The following MRPL30 variants were observed in gnomAD, a reference collection of about 807,000 sequenced individuals.
MRPL30 encodes mitochondrial ribosomal protein L30.
Under a neutral mutation model 17.2 loss-of-function variants are expected in MRPL30, and 10 were observed. That is an observed-to-expected ratio of 0.58 (90% confidence interval 0.36 to 0.99). The LOEUF (loss-of-function observed/expected upper bound fraction) is 0.99. MRPL30 is among the 50% of genes least tolerant of loss of function. The pLI is 0.01. For synonymous variants in MRPL30, 61 were observed against 62.1 expected (o/e 0.98, Z 0.08); for missense variants, 170 against 189.8 (o/e 0.90, Z 0.61).
chr2:99,191,561 C>A (rs1323838695), intron 3 of MRPL30, among the ~76,000 whole-genome samples: 1 of 152,202 alleles, frequency 6.6e-6, no homozygotes, highest in Admixed American at 6.5e-5. Context: ...CTTCACCCAA[C>A]ACAAATCCAT....
In MRPL30 at chr2:99,195,587, A is replaced by G. The variant is rs767501794; in HGVS notation, c.368A>G (p.Lys123Arg). 3 of 1,604,882 alleles carry G rather than the reference A, an allele frequency of 1.9e-6. No homozygotes were observed. The highest frequency in any genetic ancestry group is 2.2e-5 in the East Asian group (1 of 44,698). The change falls in exon 6 of 6, where the codon AAG (lysine) becomes AGG (arginine). Residue 123 changes from lysine to arginine, a missense_variant. Transcript: ENST00000338148. Reference sequence around the variant, plus strand: ...TTGTGTCACAGAATCAAGCCCTTGAAGTTGCCACAAGGACTTCCAGCAGAG... The same window carrying G: ...TTGTGTCACAGAATCAAGCCCTTGAGGTTGCCACAAGGACTTCCAGCAGAG... ...VKHLIRIKPLKLPQGLPAEEN... is the reference protein window; with the variant it reads ...VKHLIRIKPLRLPQGLPAEEN...
intron 1 of MRPL30, among the ~76,000 whole-genome samples, chr2:99,182,020 G>A (rs570783135): frequency 1.3e-5 from 2 of 151,970 alleles, no homozygotes; most frequent in Non-Finnish European, 2.9e-5. Flanking sequence ...TCGGTCGCTG[G>A]GGGGGAGAAG....
In MRPL30 at chr2:99,197,967, T is replaced by C. The variant is rs2093957797; in HGVS notation, c.*2262T>C. 6.6e-6 allele frequency among the ~76,000 whole-genome samples: 1 copy of C among 152,136 alleles called. No individual in the cohort carries two copies. The highest frequency in any genetic ancestry group is 1.5e-5 in the Non-Finnish European group (1 of 68,032). Reference sequence around the variant, plus strand: ...CCTTACTGTACTAATATTAATATTGTGTAAATAGGGGAAAATACCATGGTT... The same window carrying C: ...CCTTACTGTACTAATATTAATATTGCGTAAATAGGGGAAAATACCATGGTT... On this transcript the variant is annotated 3_prime_UTR_variant, in exon 6 of 6. Transcript: ENST00000338148.
At chr2:99,192,808 C>T (rs752804860) in intron 3 of MRPL30, among the ~76,000 whole-genome samples, 1 of 152,148 alleles carries the variant, frequency 6.6e-6, no homozygotes, top group Non-Finnish European at 1.5e-5. Context: ...GAGGAATCAC[C>T]ACACTGTCTT....
In MRPL30 at chr2:99,198,077, A is replaced by T. The variant is rs531600451; in HGVS notation, c.*2372A>T. 6.0e-4 allele frequency among the ~76,000 whole-genome samples: 91 copies of T among 152,242 alleles called. No individual in the cohort carries two copies. Among genetic ancestry groups the T allele is most frequent in the Non-Finnish European group, 1.2e-3 (80 of 68,046 alleles). On this transcript the variant is annotated 3_prime_UTR_variant, in exon 6 of 6. Transcript: ENST00000338148. ...GCTAGAAGAGGGGATCTAAATGTTA[A>T]GTTGAATATTTAGAAATAAAAGTGT...
rs2093956314 is a variant in MRPL30, at chr2:99,197,130, T to A, written c.*1425T>A. On this transcript the variant is annotated 3_prime_UTR_variant, in exon 6 of 6. Coordinates refer to ENST00000338148, the MANE Select transcript of MRPL30 (RefSeq NM_145212.4). ...GAGGCGGAAATCTCTCAGGGAGAAT[T>A]ATTTCCTTTCTTTTCTATTTTAGAT... 2 of 152,290 alleles carry A rather than the reference T, an allele frequency of 1.3e-5. No individual in the cohort carries two copies. Among genetic ancestry groups the A allele is most frequent in the South Asian group, 2.1e-4 (1 of 4,820 alleles). The allele number at this position is 152,290 out of a possible 1,614,324, so 9.4% of individuals were successfully genotyped here.
In MRPL30 at chr2:99,195,412, C is replaced by A. The variant is rs576721730; in HGVS notation, c.354-161C>A. 20 of 899,148 alleles carry A rather than the reference C, an allele frequency of 2.2e-5. No homozygotes were observed. In the African/African-American group the frequency reaches 3.4e-4, roughly 15 times the overall value. The allele number at this position is 899,148 out of a possible 1,614,324, so 55.7% of individuals were successfully genotyped here. On this transcript the variant is annotated intron_variant, in intron 5 of 5. Coordinates refer to ENST00000338148, the MANE Select transcript of MRPL30 (RefSeq NM_145212.4). ...GATCCGATCAGGGTAATTGGCATAT[C>A]CATCATCTCAGACATTTACCATTTC...
At chr2:99,191,230 C>G (rs987035706) in intron 3 of MRPL30, among the ~76,000 whole-genome samples, 1 of 152,118 alleles carries the variant, frequency 6.6e-6, no homozygotes, top group Non-Finnish European at 1.5e-5. Context: ...TGGTCTTGAT[C>G]TCCTGACCTC....
At chr2:99,181,590 G>T (rs1278124403) in intron 1 of MRPL30, among the ~76,000 whole-genome samples, 2 of 134,768 alleles carry the variant, frequency 1.5e-5, no homozygotes, top group African/African-American at 5.3e-5. Context: ...GTTGCCACTG[G>T]GTATTAAGGT....
chr2:99,181,306 A>T (rs1018114597), intron 1 of MRPL30, 57 bp downstream of exon 1: 5 of 270,746 alleles, frequency 1.8e-5, no homozygotes, highest in Admixed American at 5.4e-5. Context: ...GTATCCGGGA[A>T]CCCTCTGCAG....
At chr2:99,186,345 T>A in intron 2 of MRPL30, 91 bp downstream of exon 2, 2 of 1,275,990 alleles carry the variant, frequency 1.6e-6, no homozygotes, top group Admixed American at 2.0e-5. Context: ...TTTTTTTTAT[T>A]TTTTTGAGAC....
intron 3 of MRPL30, among the ~76,000 whole-genome samples, chr2:99,191,034 G>A (rs2093944520): frequency 6.7e-6 from 1 of 149,874 alleles, no homozygotes; most frequent in African/African-American, 2.5e-5. Flanking sequence ...TGGAGACGGA[G>A]TCTCGCTCTG....
At position 99,186,705 on chromosome 2, in the gene MRPL30, G is replaced by T. The variant is rs532821437; in HGVS notation, c.51+451G>T. Among the ~76,000 whole-genome samples the T allele has an allele frequency of 1.0e-3, 159 of 152,216 alleles. 1 individual carries two copies. Among genetic ancestry groups the T allele is most frequent in the African/African-American group, 3.4e-3 (142 of 41,540 alleles). On this transcript the variant is annotated intron_variant, in intron 2 of 5. Transcript: ENST00000338148. ...TCCCTAAAGATCTAGAATCAAAAAA[G>T]ATCTTTTTCTGGAAAACATGCCAAT...
At chr2:99,184,886 A>C (rs1455846141) in intron 1 of MRPL30, among the ~76,000 whole-genome samples, 4 of 152,234 alleles carry the variant, frequency 2.6e-5, no homozygotes, top group Non-Finnish European at 5.9e-5. Flanking sequence ...CAGAACTTGA[A>C]TGAGCTAGAA....
At chr2:99,195,360 G>A in intron 5 of MRPL30, 171 bp downstream of exon 5, 2 of 730,730 alleles carry the variant, frequency 2.7e-6, no homozygotes, top group Non-Finnish European at 4.3e-6. Context: ...GGTACATAGT[G>A]ACGTTTCAAT....
At chr2:99,181,999 CAAAA>C (rs943628206) in intron 1 of MRPL30, among the ~76,000 whole-genome samples, 2 of 149,084 alleles carry the variant, frequency 1.3e-5, no homozygotes, top group Non-Finnish European at 3.0e-5. Context: ...TGTAAAAAGA[CAAAA>C]GAACTATCGG....
chr2:99,188,321 C>T (rs929930786), intron 3 of MRPL30, 64 bp downstream of exon 3: 6 of 1,229,976 alleles, frequency 4.9e-6, no homozygotes, highest in South Asian at 2.8e-5. Flanking sequence ...AAGTGGTACC[C>T]GTTTTTGTAA....
Position 99,186,205 on chromosome 2 carries a change from TG to T in MRPL30, c.4del (p.Ala2?). The T allele has an allele frequency of 1.2e-6, 2 of 1,614,092 alleles. No homozygotes were observed. Among genetic ancestry groups the T allele is most frequent in the Non-Finnish European group, 1.7e-6 (2 of 1,179,926 alleles). ...CTAAAGAGAGCAATCACTACACTTA[TG>T]GCTGGGATTTTGCGCTTAGTAGTTC... [M>X]AGILRLVVQW... is the part of the protein sequence containing the mutation. On this transcript the variant is annotated frameshift_variant and start_lost, in exon 2 of 6. Coordinates refer to ENST00000338148, the MANE Select transcript of MRPL30 (RefSeq NM_145212.4). LOFTEE classifies it high-confidence loss of function.
rs7349217 is a variant in MRPL30 at position 99,198,683 on chromosome 2, T to G, written c.*2978T>G. ...CATAGTGGCTGTATAGTTTAGAAGG[T>G]TTCTTCAGATTGGCATTCCTTTGCC... is the stretch of plus-strand genomic sequence containing the variant. On this transcript the variant is annotated 3_prime_UTR_variant, in exon 6 of 6. Coordinates refer to ENST00000338148, the MANE Select transcript of MRPL30 (RefSeq NM_145212.4). Among the ~76,000 whole-genome samples, 92,646 of 151,874 alleles carry G rather than the reference T, an allele frequency of 0.61. 28,838 individuals are homozygous for G. The highest frequency in any genetic ancestry group is 0.89 in the East Asian group (4,549 of 5,138).
Sources: allele counts gnomAD v4.1 joint callset (sites outside exome capture counted in the v4.1 genomes callset), GRCh38; gene constraint gnomAD v4.1.1; transcripts MANE v1.5; gene names NCBI Gene and HGNC (gene_info 2026-07-23, HGNC 2026-07-21).